NCEH1: variants seen among roughly 807,000 people sequenced by gnomAD.
NCEH1 encodes 2-acetyl MAGE hydrolase.
A neutral mutation model predicts 25.4 loss-of-function variants in NCEH1; 9 were observed. The ratio of observed to expected loss-of-function variants is 0.35; its 90% CI spans 0.21 to 0.62. The LOEUF is 0.62. NCEH1 is among the 20% of genes least tolerant of loss of function. The pLI, the probability that NCEH1 is intolerant of heterozygous loss-of-function variation, is 0.72. For missense variants in NCEH1, 412 were observed against 501.1 expected, an observed-to-expected ratio of 0.82 and a Z score of 1.70; for synonymous variants, 200 against 199.8, an observed-to-expected ratio of 1.00 and a Z score of -0.01.
At chr3:172,707,641 A>G (rs1030190977) in intron 1 of NCEH1, among the ~76,000 whole-genome samples, 8 of 152,128 alleles carry the variant, frequency 5.3e-5, no homozygotes, top group African/African-American at 1.7e-4. Flanking sequence ...GCTGGAGTGC[A>G]GTGGCCTGAT....
At chr3:172,658,353 G>A (rs1440774930) in intron 1 of NCEH1, among the ~76,000 whole-genome samples, 1 of 152,182 alleles carries the variant, frequency 6.6e-6, no homozygotes, top group Non-Finnish European at 1.5e-5. Context: ...ATCGCCATCT[G>A]GCTAGGGATT....
At chr3:172,701,867 G>A (rs1372470924) in intron 1 of NCEH1, among the ~76,000 whole-genome samples, 2 of 152,078 alleles carry the variant, frequency 1.3e-5, no homozygotes, top group Non-Finnish European at 1.5e-5. Context: ...ACTGTCAGTT[G>A]CTCCTTTCTC....
intron 3 of NCEH1, among the ~76,000 whole-genome samples, chr3:172,642,115 A>G (rs184301396): frequency 9.9e-5 from 15 of 152,278 alleles, no homozygotes; most frequent in Admixed American, 9.8e-4. Flanking sequence ...GGAATAAAAG[A>G]AAGAAGAAAG....
chr3:172,692,026 G>A (rs1425675445), intron 1 of NCEH1, among the ~76,000 whole-genome samples: 6 of 150,476 alleles, frequency 4.0e-5, no homozygotes, highest in Non-Finnish European at 8.9e-5. Flanking sequence ...AGGGAAACCA[G>A]ACTGGGTAGT....
intron 1 of NCEH1, among the ~76,000 whole-genome samples, chr3:172,662,004 G>T (rs184430366): frequency 0.023 from 3,400 of 150,902 alleles, 132 homozygotes; most frequent in African/African-American, 0.079. Flanking sequence ...CCAACACTAT[G>T]TTGAATAGGA....
chr3:172,703,745 A>G (rs1713830725), intron 1 of NCEH1, among the ~76,000 whole-genome samples: 1 of 152,138 alleles, frequency 6.6e-6, no homozygotes, highest in African/African-American at 2.4e-5. Context: ...GAAGTACCAG[A>G]AAAAATAAAA....
At chr3:172,691,965 AAAAGAAAGAAAG>A (rs1247420639) in intron 1 of NCEH1, among the ~76,000 whole-genome samples, 1 of 29,584 alleles carries the variant, frequency 3.4e-5, no homozygotes, top group Non-Finnish European at 7.1e-5. Flanking sequence ...AAAAAAAAAA[AAAAGAAAGAAAG>A]AAAGAAAGAA....
At chr3:172,639,578 A>G (rs771179384) in intron 3 of NCEH1, among the ~76,000 whole-genome samples, 2 of 152,182 alleles carry the variant, frequency 1.3e-5, no homozygotes, top group Non-Finnish European at 2.9e-5. Context: ...GACATTCAAT[A>G]TTTAAAAACT....
At chr3:172,700,780 C>T (rs753379605) in intron 1 of NCEH1, among the ~76,000 whole-genome samples, 113 of 151,994 alleles carry the variant, frequency 7.4e-4, no homozygotes, top group African/African-American at 2.5e-3. Context: ...CCTGATCATA[C>T]GATCTTGATG....
At chr3:172,675,335 A>AAATTAATTAATTAATT (rs1424275327) in intron 1 of NCEH1, among the ~76,000 whole-genome samples, 1 of 137,638 alleles carries the variant, frequency 7.3e-6, no homozygotes, top group African/African-American at 2.8e-5. Flanking sequence ...ATAAATAAAT[A>AAATTAATTAATTAATT]AATAAATGAT....
intron 4 of NCEH1, among the ~76,000 whole-genome samples, chr3:172,634,905 T>C (rs1027004920): frequency 6.6e-6 from 1 of 152,234 alleles, no homozygotes; most frequent in African/African-American, 2.4e-5. Flanking sequence ...AGGTGAGATA[T>C]GACTGCTCTC....
intron 1 of NCEH1, among the ~76,000 whole-genome samples, chr3:172,679,859 A>C (rs485718): frequency 0.65 from 98,466 of 151,834 alleles, 32,352 homozygotes; most frequent in East Asian, 0.9. Context: ...ATCATAGTGA[A>C]CCACCTTTGC....
intron 1 of NCEH1, among the ~76,000 whole-genome samples, chr3:172,653,947 A>G (rs1717572610): frequency 6.6e-6 from 1 of 151,872 alleles, no homozygotes; most frequent in African/African-American, 2.4e-5. Context: ...AGTAAAGACA[A>G]GGTTTCACTG....
chr3:172,684,333 TTAG>T, intron 1 of NCEH1, among the ~76,000 whole-genome samples: 1 of 152,238 alleles, frequency 6.6e-6, no homozygotes, highest in African/African-American at 2.4e-5. Context: ...AAGACATGCA[TTAG>T]TATGTCTTAG....
In NCEH1 at chr3:172,681,736, C is replaced by CAAA. The variant is rs768887847; in HGVS notation, c.138+29108_138+29110dup. Among the ~76,000 whole-genome samples the CAAA allele has an allele frequency of 4.6e-3, 477 of 103,838 alleles. 5 individuals are homozygous for CAAA. The highest frequency in any genetic ancestry group is 0.044 in the East Asian group (150 of 3,426). 68.1% of individuals were successfully genotyped at this position (103,838 alleles called of 152,430 possible). A position where few individuals can be genotyped will look rare whatever the true frequency, so the allele number is the denominator to read the frequency against. On this transcript the variant is annotated intron_variant, in intron 1 of 4. Coordinates refer to ENST00000475381, the MANE Select transcript of NCEH1 (RefSeq NM_020792.6). ...AAAACCCTGTCTCTAGTAAAAATAC[C>CAAA]AAAAAAAAAAAAAAAAAAAAATTAG...
chr3:172,690,434 G>A (rs1462070483), intron 1 of NCEH1, among the ~76,000 whole-genome samples: 1 of 152,154 alleles, frequency 6.6e-6, no homozygotes, highest in Admixed American at 6.5e-5. Flanking sequence ...GATTACAATT[G>A]TTCTGGAAAA....
At chr3:172,710,627 C>G (rs1049524733) in intron 1 of NCEH1, among the ~76,000 whole-genome samples, 2 of 152,202 alleles carry the variant, frequency 1.3e-5, no homozygotes, top group Non-Finnish European at 2.9e-5. Context: ...ACTTCTTCCC[C>G]GTCACAAACG....
intron 1 of NCEH1, among the ~76,000 whole-genome samples, chr3:172,667,437 A>C (rs1326955512): frequency 2.6e-5 from 4 of 152,258 alleles, no homozygotes; most frequent in Admixed American, 2.0e-4. Context: ...AGCCAGGCAG[A>C]TCACACAGGT....
At position 172,683,562 on chromosome 3, in the gene NCEH1, C is replaced by T. The variant is rs965333373; in HGVS notation, c.138+27285G>A. On this transcript the variant is annotated intron_variant, in intron 1 of 4. Transcript: ENST00000475381. ...GGCATAGTGGCTCACACCCATAGTC[C>T]CAGCTACTCAGGAGGCTGAGATGGG... Among the ~76,000 whole-genome samples, 5 of 152,132 alleles carry T rather than the reference C, an allele frequency of 3.3e-5. No homozygotes were observed. In the South Asian group the frequency reaches 8.3e-4, roughly 25 times the overall value.
Sources: gnomAD v4.1 joint callset for allele counts (sites outside exome capture counted in the v4.1 genomes callset) on GRCh38, gnomAD v4.1.1 for gene constraint, MANE v1.5 for transcripts, NCBI Gene and HGNC (gene_info 2026-07-23, HGNC 2026-07-21) for gene names.